SFPQ: variants seen among roughly 807,000 people sequenced by gnomAD.
SFPQ encodes the protein splicing factor proline and glutamine rich.
A neutral mutation model predicts 72.9 loss-of-function variants in SFPQ; 11 were observed. The ratio of observed to expected loss-of-function variants is 0.15; its 90% confidence interval spans 0.09 to 0.25. The LOEUF is 0.25. Ranked by LOEUF, SFPQ falls within the 10% of genes least tolerant of loss-of-function variation. The pLI, the probability that SFPQ is intolerant of heterozygous loss-of-function variation, is 1.00. For missense variants in SFPQ, 847 were observed against 993.3 expected, an observed-to-expected ratio of 0.85 and a Z score of 1.98; for synonymous variants, 506 against 367.3, an observed-to-expected ratio of 1.38 and a Z score of -4.32.
At chr1:35,192,179 G>T in intron 1 of SFPQ, 43 bp downstream of exon 1, 2 of 1,319,422 alleles carry the variant, frequency 1.5e-6, no homozygotes, top group Middle Eastern at 2.8e-4. Context: ...GGGGGCCGCC[G>T]CCATCTTAGG....
chr1:35,181,057 A>G, downstream of SFPQ: 7 of 1,065,048 alleles, frequency 6.6e-6, no homozygotes, highest in Non-Finnish European at 8.0e-6. Context: ...TTTCATTGTC[A>G]GAAATGTGAT....
At chr1:35,181,602 G>A (rs552774628), downstream of SFPQ, 712 of 1,059,752 alleles carry the variant, frequency 6.7e-4, no homozygotes, top group South Asian at 2.5e-3. Context: ...TTAACAATAT[G>A]CAGTTTTTAA....
chr1:35,182,401 G>C (rs987569643), downstream of SFPQ: 2 of 985,132 alleles, frequency 2.0e-6, no homozygotes, highest in Non-Finnish European at 2.4e-6. Flanking sequence ...TCATATTTCC[G>C]AGTGTGCTGG....
chr1:35,191,678 G>GAGCA (rs1014523277), intron 1 of SFPQ, 149 bp from the exon 2 acceptor site: 1 of 625,358 alleles, frequency 1.6e-6, no homozygotes, highest in Non-Finnish European at 2.8e-6. Context: ...TTTCTAACAT[G>GAGCA]AGCACTATCT....
chr1:35,183,058 GAAT>G lies in SFPQ; in HGVS notation c.*1395_*1397del. On this transcript the variant is annotated 3_prime_UTR_variant, in exon 10 of 10. Transcript: ENST00000357214. ...TGAAAACAAGTTAAATTTACAATAAGAATGATTATCTGCAACCCTATTTGTTAA... is the reference window on the plus strand; with the variant it reads ...TGAAAACAAGTTAAATTTACAATAAGGATTATCTGCAACCCTATTTGTTAA... The G allele has an allele frequency of 9.7e-7, 1 of 1,032,928 alleles. No homozygotes were observed. Among genetic ancestry groups the G allele is most frequent in the Non-Finnish European group, 1.2e-6 (1 of 858,954 alleles). The allele number at this position is 1,032,928 out of a possible 1,614,324, so 64.0% of individuals were successfully genotyped here. A position where few individuals can be genotyped will look rare whatever the true frequency, so the allele number is the denominator to read the frequency against.
At chr1:35,184,813 C>T (rs541652679) in intron 9 of SFPQ, among the ~76,000 whole-genome samples, 1 of 152,282 alleles carries the variant, frequency 6.6e-6, no homozygotes, top group East Asian at 1.9e-4. Flanking sequence ...TTCTCATACA[C>T]CTGTTTCAAA....
At chr1:35,181,628 T>TA (rs1297828823), downstream of SFPQ, 1 of 1,060,228 alleles carries the variant, frequency 9.4e-7, no homozygotes, top group Admixed American at 5.4e-5. Flanking sequence ...AGGAGAAGTA[T>TA]AAAAAACAAC....
chr1:35,192,841 T>A lies in SFPQ; in HGVS notation c.209A>T (p.Gln70Leu). 6.5e-7 allele frequency: 1 copy of A among 1,526,778 alleles called. No individual in the cohort carries two copies. The highest frequency in any genetic ancestry group is 8.7e-7 in the Non-Finnish European group (1 of 1,145,054). 94.6% of individuals were successfully genotyped at this position (1,526,778 alleles called of 1,614,324 possible). Reference sequence around the variant, plus strand: ...CGGTGGCTGCTGCGGTGGTGGCTGTTGCTGCTGTTGGTGTGGAGGCGGTGG... The same window carrying A: ...CGGTGGCTGCTGCGGTGGTGGCTGTAGCTGCTGTTGGTGTGGAGGCGGTGG... ...IPPPPPHQQQ[Q>L]QPPPQQPPPQ... Residue 70 changes from glutamine to leucine, a missense_variant, in exon 1 of 10, where the codon CAA becomes CTA. Around this residue, in one of 6 missense-constraint regions of SFPQ, gnomAD observed 498 missense variants for 405.1 expected, o/e 1.23. Transcript: ENST00000357214.
At position 35,182,965 on chromosome 1, in the gene SFPQ, G is replaced by C. The variant is rs913327024; in HGVS notation, c.*1491C>G. On this transcript the variant is annotated 3_prime_UTR_variant, in exon 10 of 10. Coordinates refer to ENST00000357214, the MANE Select transcript of SFPQ (RefSeq NM_005066.3). ...TTCCAAGCCTTTATGGTGGGAGGAA[G>C]GGATATTTGTACTGTGTAGCATGAG... 1 of 1,042,878 alleles carries C rather than the reference G, an allele frequency of 9.6e-7. No individual in the cohort carries two copies. The highest frequency in any genetic ancestry group is 1.7e-5 in the African/African-American group (1 of 59,782). 64.6% of individuals were successfully genotyped at this position (1,042,878 alleles called of 1,614,324 possible). A position where few individuals can be genotyped will look rare whatever the true frequency, so the allele number is the denominator to read the frequency against.
Position 35,184,533 on chromosome 1 carries a change from T to C in SFPQ, c.2047A>G (p.Met683Val). 2 of 1,613,472 alleles carry C rather than the reference T, an allele frequency of 1.2e-6. No individual in the cohort carries two copies. Among genetic ancestry groups the C allele is most frequent in the Non-Finnish European group, 1.7e-6 (2 of 1,179,730 alleles). ...TATCCTGCTGGAGTTCCAGGCCCCA[T>C]TCCTCTAGGACCCTGTCCACCCACA... ...GPVGGQGPRG[M>V]GPGTPAGYGR... The change falls in exon 10 of 10, where the codon ATG (methionine) becomes GTG (valine). Residue 683 changes from methionine (M) to valine (V), a missense_variant. Met to Val is a conservative substitution (Grantham distance 21). Transcript: ENST00000357214.
rs1639607095 is a variant in SFPQ at position 35,184,246 on chromosome 1, TAAAG to T, written c.*206_*209del. 9 of 1,323,028 alleles carry T rather than the reference TAAAG, an allele frequency of 6.8e-6. No individual in the cohort carries two copies. The South Asian group carries it at 8.1e-5, about 12-fold the overall frequency. 82.0% of individuals were successfully genotyped at this position (1,323,028 alleles called of 1,614,324 possible). ...ACATTATACAGTAAAAAAGAAAAAA[TAAAG>T]AAATAAAAAGGAAAAAAAAATTCTC... On this transcript the variant is annotated 3_prime_UTR_variant, in exon 10 of 10. Coordinates refer to ENST00000357214, the MANE Select transcript of SFPQ (RefSeq NM_005066.3).
rs1215411904 is a variant in SFPQ at position 35,187,009 on chromosome 1, T to C, written c.1978A>G (p.Ser660Gly). The part of the protein sequence containing the change: ...PATMSGSMMG[S>G]DMRTERFGQG... ...CCCACAGGATACATTACCATGTCACTTCCCATCATGGAACCACTCATGGTT... is the reference window on the plus strand; with the variant it reads ...CCCACAGGATACATTACCATGTCACCTCCCATCATGGAACCACTCATGGTT... Residue 660 changes from serine to glycine, a missense_variant, in exon 9 of 10, where the codon AGT (serine) becomes GGT (glycine). By Grantham distance (56) the Ser-to-Gly change is moderately conservative (BLOSUM62 0). Coordinates refer to ENST00000357214, the MANE Select transcript of SFPQ (RefSeq NM_005066.3). 6.2e-7 allele frequency: 1 copy of C among 1,613,640 alleles called. No homozygotes were observed. The highest frequency in any genetic ancestry group is 2.2e-5 in the East Asian group (1 of 44,874).
intron 9 of SFPQ, 61 bp downstream of exon 9, chr1:35,186,940 A>C (rs1639748311): frequency 2.0e-6 from 3 of 1,532,466 alleles, no homozygotes; most frequent in South Asian, 2.4e-5. Flanking sequence ...AAACAAAACA[A>C]ACACACCTAA....
downstream of SFPQ, chr1:35,179,448 C>G (rs966386927): frequency 9.5e-7 from 1 of 1,056,454 alleles, no homozygotes; most frequent in Non-Finnish European, 1.1e-6. Context: ...GGCATCACAC[C>G]TCTGAACCCA....
chr1:35,189,718 G>A (rs1040774445), intron 4 of SFPQ, among the ~76,000 whole-genome samples: 1 of 152,142 alleles, frequency 6.6e-6, no homozygotes, highest in Non-Finnish European at 1.5e-5. Flanking sequence ...AGAGGCCAAG[G>A]CAGGTGGATC....
At chr1:35,192,036 G>C (rs1007450566) in intron 1 of SFPQ, among the ~76,000 whole-genome samples, 186 bp downstream of exon 1, 1 of 151,704 alleles carries the variant, frequency 6.6e-6, no homozygotes, top group African/African-American at 2.4e-5. Flanking sequence ...CGCCGGGAGA[G>C]CAAGGCCCGG....
chr1:35,184,467 G>A lies in SFPQ; in HGVS notation c.2113C>T (p.Pro705Ser). Reference protein sequence around the residue: ...REEYEGPNKKPRF With the variant: ...REEYEGPNKKSRF ...CCTAAATATCACATCTAAAATCGGG[G>A]TTTTTTGTTTGGGCCTTCGTACTCT... The change falls in exon 10 of 10, where the codon CCC (proline) becomes TCC (serine). Residue 705 changes from proline (P) to serine (S), a missense_variant. By Grantham distance (74) the Pro-to-Ser change is moderately conservative. Transcript: ENST00000357214. 1 of 1,608,044 alleles carries A rather than the reference G, an allele frequency of 6.2e-7. No individual in the cohort carries two copies. Among genetic ancestry groups the A allele is most frequent in the Middle Eastern group, 1.7e-4 (1 of 6,046 alleles).
At chr1:35,178,144 A>G (rs1286663273), downstream of SFPQ, 10 of 1,123,502 alleles carry the variant, frequency 8.9e-6, no homozygotes, top group Non-Finnish European at 1.1e-5. Context: ...AGAGATAAAG[A>G]TTGGGGGTAA....
At position 35,187,209 on chromosome 1, in the gene SFPQ, T is replaced by C. The variant is rs746993364; in HGVS notation, c.1858A>G (p.Met620Val). 6 of 1,614,160 alleles carry C rather than the reference T, an allele frequency of 3.7e-6. No homozygotes were observed. The highest frequency in any genetic ancestry group is 2.2e-5 in the East Asian group (1 of 44,884). ...ATTTAAATTTCACACTTACCTCCCA[T>C]GTTCATTGCTCCTCCGCCACCCATT... ...MRMGGGGAMN[M>V]GDPYGSGGQK... is the part of the protein sequence containing the mutation. Residue 620 changes from methionine (M) to valine (V), a missense_variant, in exon 8 of 10, where the codon ATG becomes GTG. This residue lies in a region of SFPQ where 154 missense variants were observed against 186.0 expected (regional missense o/e 0.83). Coordinates refer to ENST00000357214, the MANE Select transcript of SFPQ (RefSeq NM_005066.3).
Sources: gnomAD v4.1 joint callset for allele counts (sites outside exome capture counted in the v4.1 genomes callset) on GRCh38, gnomAD v4.1.1 for gene constraint, gnomAD v4.1.1 regional missense constraint, MANE v1.5 for transcripts, NCBI Gene and HGNC (gene_info 2026-07-23, HGNC 2026-07-21) for gene names.